SDK1: variants seen among roughly 807,000 people sequenced by gnomAD.
SDK1 encodes the protein sidekick cell adhesion molecule 1.
SDK1 carries 157 observed loss-of-function variants against 245.5 expected under a neutral mutation model. The ratio of observed to expected loss-of-function variants is 0.64; its 90% CI spans 0.56 to 0.73. The LOEUF (loss-of-function observed/expected upper bound fraction) is 0.73, where lower values mean the gene tolerates loss of function less well. Among genes scored for constraint, SDK1 ranks in the 30% least tolerant of loss-of-function variants. The pLI is 0.00. For missense variants in SDK1, 3,583 were observed against 3,002.3 expected (o/e 1.19, Z -4.52); for synonymous variants, 1,647 against 1,278.5 (o/e 1.29, Z -6.15).
At chr7:3,578,278 A>C (rs750925804) in intron 1 of SDK1, among the ~76,000 whole-genome samples, 3 of 150,340 alleles carry the variant, frequency 2.0e-5, no homozygotes, top group Non-Finnish European at 4.4e-5. Context: ...GGATTTTATT[A>C]AGGATTAAGG....
intron 5 of SDK1, among the ~76,000 whole-genome samples, chr7:3,860,248 T>C (rs1401958995): frequency 1.3e-5 from 2 of 152,110 alleles, no homozygotes; most frequent in Non-Finnish European, 2.9e-5. Flanking sequence ...TATAACAAAA[T>C]TGAGACAAAA....
intron 1 of SDK1, among the ~76,000 whole-genome samples, chr7:3,483,852 A>G (rs1781593572): frequency 6.6e-6 from 1 of 152,200 alleles, no homozygotes; most frequent in Non-Finnish European, 1.5e-5. Flanking sequence ...TTATCATTAA[A>G]ATGTTTATAT....
At chr7:3,764,633 G>T (rs954912358) in intron 4 of SDK1, among the ~76,000 whole-genome samples, 10 of 151,970 alleles carry the variant, frequency 6.6e-5, no homozygotes, top group Admixed American at 2.0e-4. Flanking sequence ...AGCGAGCAGG[G>T]ATTGCGCCAC....
intron 14 of SDK1, among the ~76,000 whole-genome samples, chr7:3,998,864 A>G (rs1382213564): frequency 6.6e-6 from 1 of 152,070 alleles, no homozygotes; most frequent in Non-Finnish European, 1.5e-5. Context: ...TGAATGTGGG[A>G]GCTTCCTTTT....
At chr7:3,434,374 T>A (rs1174559420) in intron 1 of SDK1, among the ~76,000 whole-genome samples, 1 of 152,212 alleles carries the variant, frequency 6.6e-6, no homozygotes, top group African/African-American at 2.4e-5. Flanking sequence ...TACTTAGGTG[T>A]CCTCCCTGTT....
At chr7:3,826,842 G>A (rs1382741276) in intron 5 of SDK1, among the ~76,000 whole-genome samples, 2 of 152,118 alleles carry the variant, frequency 1.3e-5, no homozygotes, top group South Asian at 2.1e-4. Flanking sequence ...AAAATACTAG[G>A]TCTAATATTT....
At chr7:3,732,157 C>G (rs1779199253) in intron 4 of SDK1, among the ~76,000 whole-genome samples, 1 of 152,170 alleles carries the variant, frequency 6.6e-6, no homozygotes, top group African/African-American at 2.4e-5. Context: ...CACAGAGTTC[C>G]AGTGGGCTTT....
At chr7:3,885,116 C>G (rs777901683) in intron 5 of SDK1, among the ~76,000 whole-genome samples, 1 of 152,180 alleles carries the variant, frequency 6.6e-6, no homozygotes, top group African/African-American at 2.4e-5. Context: ...CTGCCCATCC[C>G]TAAGGCTGTT....
chr7:3,926,639 A>G (rs1051231911), intron 5 of SDK1, among the ~76,000 whole-genome samples: 4 of 152,002 alleles, frequency 2.6e-5, no homozygotes, highest in African/African-American at 4.8e-5. Flanking sequence ...TTGGCCTTCT[A>G]CAGTGCTGGG....
intron 38 of SDK1, among the ~76,000 whole-genome samples, chr7:4,217,402 G>A (rs1402566408): frequency 1.2e-4 from 16 of 135,218 alleles, no homozygotes; most frequent in East Asian, 9.3e-4. Flanking sequence ...CACACCACCC[G>A]GAGCACCAGG....
intron 14 of SDK1, among the ~76,000 whole-genome samples, chr7:4,004,072 T>G (rs143845260): frequency 6.6e-6 from 1 of 152,324 alleles, no homozygotes; most frequent in Non-Finnish European, 1.5e-5. Context: ...GATCATTTTA[T>G]CCCCCTCAAG....
At chr7:4,027,226 C>T (rs1018705893) in intron 17 of SDK1, among the ~76,000 whole-genome samples, 5 of 152,108 alleles carry the variant, frequency 3.3e-5, no homozygotes, top group African/African-American at 9.7e-5. Context: ...GGGTCATGGA[C>T]GATGAAATTT....
In SDK1 at chr7:3,938,850, T is replaced by G. The variant is rs74907708; in HGVS notation, c.848-12073T>G. Reference sequence around the variant, plus strand: ...AACTGCAGCACTGTCTTTTATCACCTTCGTTTTTCTCTGCCCAGTAAAAAG... The same window carrying G: ...AACTGCAGCACTGTCTTTTATCACCGTCGTTTTTCTCTGCCCAGTAAAAAG... On this transcript the variant is annotated intron_variant, in intron 5 of 44. Transcript: ENST00000404826. Among the ~76,000 whole-genome samples, 695 of 152,300 alleles carry G rather than the reference T, an allele frequency of 4.6e-3. 7 individuals carry two copies. Among genetic ancestry groups the G allele is most frequent in the African/African-American group, 0.016 (656 of 41,544 alleles).
chr7:4,212,752 A>G (rs1207281605), intron 38 of SDK1, among the ~76,000 whole-genome samples: 3 of 152,226 alleles, frequency 2.0e-5, no homozygotes, highest in Non-Finnish European at 4.4e-5. Flanking sequence ...ATGCCTTTTC[A>G]AGGGTCATAA....
chr7:3,673,597 C>A (rs1783789144), intron 4 of SDK1, among the ~76,000 whole-genome samples: 1 of 152,188 alleles, frequency 6.6e-6, no homozygotes. Flanking sequence ...TATAGACTTA[C>A]CCCTTTTTAT....
intron 1 of SDK1, among the ~76,000 whole-genome samples, chr7:3,470,393 C>T (rs1447863047): frequency 1.3e-5 from 2 of 152,074 alleles, no homozygotes; most frequent in African/African-American, 2.4e-5. Flanking sequence ...CTCATGAACA[C>T]CCTCAGTTTT....
rs116766992 is a variant in SDK1, at chr7:3,838,785, C to T, written c.847+17202C>T. ...CACTAGGAGACCATGCAGTGGGTGT[C>T]GATCAAAATGTTTGCACTCTTGTCT... is the stretch of plus-strand genomic sequence containing the variant. On this transcript the variant is annotated intron_variant, in intron 5 of 44. Coordinates refer to ENST00000404826, the MANE Select transcript of SDK1 (RefSeq NM_152744.4). Among the ~76,000 whole-genome samples, 722 of 152,188 alleles carry T rather than the reference C, an allele frequency of 4.7e-3. 7 individuals carry two copies. Among genetic ancestry groups the T allele is most frequent in the African/African-American group, 0.016 (673 of 41,524 alleles).
At chr7:3,470,152 A>T (rs1244602770) in intron 1 of SDK1, among the ~76,000 whole-genome samples, 1 of 152,186 alleles carries the variant, frequency 6.6e-6, no homozygotes, top group Non-Finnish European at 1.5e-5. Context: ...CAGCTGGTCT[A>T]GTTTGAATCT....
At chr7:4,170,566 G>A (rs1295555765) in intron 32 of SDK1, among the ~76,000 whole-genome samples, 1 of 152,160 alleles carries the variant, frequency 6.6e-6, no homozygotes, top group Non-Finnish European at 1.5e-5. Flanking sequence ...ATCTCTGGTG[G>A]TGCTTTCATC....
Sources: gnomAD v4.1 joint callset for allele counts (sites outside exome capture counted in the v4.1 genomes callset) on GRCh38, gnomAD v4.1.1 for gene constraint, MANE v1.5 for transcripts, NCBI Gene and HGNC (gene_info 2026-07-23, HGNC 2026-07-21) for gene names.